Variants in XRCC6 observed in about 807,000 individuals in gnomAD.
XRCC6 encodes X-ray repair cross complementing 6.
Under a neutral mutation model 65.7 loss-of-function variants are expected in XRCC6, and 5 were observed. The ratio of observed to expected loss-of-function variants is 0.08; its 90% CI spans 0.04 to 0.16. XRCC6 has a LOEUF of 0.16. XRCC6 is among the 10% of genes least tolerant of loss of function. The pLI is 1.00. For missense variants in XRCC6, 447 were observed against 738.1 expected (o/e 0.61, Z 4.57); for synonymous variants, 270 against 270.6 (o/e 1.00, Z 0.02).
At chr22:41,659,603 G>A (rs2068081302) in intron 11 of XRCC6, among the ~76,000 whole-genome samples, 1 of 152,126 alleles carries the variant, frequency 6.6e-6, no homozygotes, top group African/African-American at 2.4e-5. Flanking sequence ...GCCTCCCAAA[G>A]TTCTGGGATT....
At chr22:41,636,394 C>G in intron 4 of XRCC6, 122 bp from the exon 5 acceptor site, 1 of 1,492,604 alleles carries the variant, frequency 6.7e-7, no homozygotes, top group African/African-American at 1.4e-5. Flanking sequence ...TCGATGTGGA[C>G]TTTGTTAAAT....
chr22:41,621,393 C>G (rs568516634), intron 1 of XRCC6, 48 bp downstream of exon 1: 1 of 165,022 alleles, frequency 6.1e-6, no homozygotes, highest in Non-Finnish European at 1.3e-5. Flanking sequence ...TAGGCCTGGC[C>G]TCGTCCCGCT....
intron 6 of XRCC6, among the ~76,000 whole-genome samples, chr22:41,645,139 A>G (rs2067918084): frequency 6.6e-6 from 1 of 151,670 alleles, no homozygotes; most frequent in Non-Finnish European, 1.5e-5. Flanking sequence ...TGTCTCTACT[A>G]AAAAATACAA....
chr22:41,622,115 C>G (rs753314269), intron 2 of XRCC6, 29 bp downstream of exon 2: 1 of 1,612,362 alleles, frequency 6.2e-7, no homozygotes, highest in African/African-American at 1.3e-5. Flanking sequence ...TAGTGCCATT[C>G]GGTGTGTGGA....
In XRCC6 at chr22:41,649,159, T is replaced by A. The variant is rs1430739954; in HGVS notation, c.961-1564T>A. Among the ~76,000 whole-genome samples the A allele has an allele frequency of 2.9e-5, 4 of 137,194 alleles. 1 individual carries two copies. The highest frequency in any genetic ancestry group is 1.1e-4 in the African/African-American group (4 of 35,858). The allele number at this position is 137,194 out of a possible 152,430, so 90.0% of individuals were successfully genotyped here. A position where few individuals can be genotyped will look rare whatever the true frequency, so the allele number is the denominator to read the frequency against. On this transcript the variant is annotated intron_variant, in intron 7 of 12. Transcript: ENST00000360079. ...AAAAAAATATATATATATATATATA[T>A]ATATGTATGTATGTGTGTGTGTATA...
At chr22:41,621,805 C>G in intron 1 of XRCC6, 185 bp from the exon 2 acceptor site, 1 of 579,522 alleles carries the variant, frequency 1.7e-6, no homozygotes. Flanking sequence ...GATGAGGCAG[C>G]TACTGGGATG....
At chr22:41,662,863 A>G (rs1177589491) in intron 12 of XRCC6, among the ~76,000 whole-genome samples, 1 of 152,094 alleles carries the variant, frequency 6.6e-6, no homozygotes, top group Non-Finnish European at 1.5e-5. Context: ...TGGGCGGATC[A>G]TGAGGTCAGG....
intron 7 of XRCC6, chr22:41,648,133 G>T (rs999793455): frequency 1.0e-4 from 15 of 146,262 alleles, no homozygotes; most frequent in African/African-American, 3.3e-4. Flanking sequence ...AAGGAACAAA[G>T]AAATCTGTAA....
At chr22:41,636,364 C>G (rs2067809938) in intron 4 of XRCC6, 113 bp downstream of exon 4, 1 of 1,486,966 alleles carries the variant, frequency 6.7e-7, no homozygotes, top group Admixed American at 2.4e-5. Context: ...AGTATGCTTT[C>G]CTCCATAAGG....
At chr22:41,649,017 T>G (rs1204301786) in intron 7 of XRCC6, among the ~76,000 whole-genome samples, 2 of 150,806 alleles carry the variant, frequency 1.3e-5, no homozygotes, top group Non-Finnish European at 2.9e-5. Flanking sequence ...GGAGGATCAC[T>G]TGAACCCAGG....
intron 9 of XRCC6, among the ~76,000 whole-genome samples, chr22:41,654,654 T>G (rs1044040461): frequency 2.0e-5 from 3 of 152,210 alleles, no homozygotes; most frequent in Non-Finnish European, 4.4e-5. Flanking sequence ...TGATAACTCT[T>G]ACCTGTTTCC....
intron 9 of XRCC6, among the ~76,000 whole-genome samples, chr22:41,656,636 C>T (rs2068047434): frequency 6.6e-6 from 1 of 152,190 alleles, no homozygotes. Context: ...CAGGTATCCT[C>T]CCGGGTTCTT....
At chr22:41,649,049 T>C (rs115376422) in intron 7 of XRCC6, among the ~76,000 whole-genome samples, 5,522 of 149,230 alleles carry the variant, frequency 0.037, 336 homozygotes, top group African/African-American at 0.13. Flanking sequence ...AGCCTGGGCA[T>C]CATAGCGAGA....
At chr22:41,625,912 C>T (rs536902044) in intron 2 of XRCC6, among the ~76,000 whole-genome samples, 120 of 151,978 alleles carry the variant, frequency 7.9e-4, no homozygotes, top group Non-Finnish European at 1.4e-3. Context: ...AATCTCGGCT[C>T]GCTGCAATCT....
chr22:41,622,025 T>C lies in XRCC6; in HGVS notation c.21T>C (p.Tyr7=), dbSNP rs1217381513. 2.5e-6 allele frequency: 4 copies of C among 1,614,102 alleles called. No individual in the cohort carries two copies. Among genetic ancestry groups the C allele is most frequent in the Non-Finnish European group, 3.4e-6 (4 of 1,180,042 alleles). Residue 7 remains tyrosine (Y), a synonymous_variant, in exon 2 of 13, where the codon TAT becomes TAC. Coordinates refer to ENST00000360079, the MANE Select transcript of XRCC6 (RefSeq NM_001469.5). The stretch of plus-strand genomic sequence containing the variant: ...CCAACATGTCAGGGTGGGAGTCATA[T>C]TACAAAACCGAGGGCGATGAAGAAG... MSGWES[Y]YKTEGDEEAE...
At chr22:41,625,982 G>T (rs1029259122) in intron 2 of XRCC6, among the ~76,000 whole-genome samples, 2 of 152,046 alleles carry the variant, frequency 1.3e-5, no homozygotes, top group Non-Finnish European at 2.9e-5. Flanking sequence ...GGAATTATAG[G>T]CATGCGCCAC....
Position 41,646,927 on chromosome 22 carries a change from A to G in XRCC6, c.805A>G (p.Ile269Val). 1 of 1,613,192 alleles carries G rather than the reference A, an allele frequency of 6.2e-7. No homozygotes were observed. The highest frequency in any genetic ancestry group is 8.5e-7 in the Non-Finnish European group (1 of 1,179,652). ...GCTGAAGCTCAACAAAGATATAGTGATCTCTGTGGGCATTTATAATCTGGT... is the reference window on the plus strand; with the variant it reads ...GCTGAAGCTCAACAAAGATATAGTGGTCTCTGTGGGCATTTATAATCTGGT... ...LKLKLNKDIV[I>V]SVGIYNLVQK... The change falls in exon 7 of 13, where the codon ATC (isoleucine) becomes GTC (valine). Residue 269 changes from isoleucine (I) to valine (V), a missense_variant. Coordinates refer to ENST00000360079, the MANE Select transcript of XRCC6 (RefSeq NM_001469.5).
chr22:41,657,188 G>A (rs56404392), intron 10 of XRCC6, among the ~76,000 whole-genome samples, 156 bp downstream of exon 10: 2,210 of 152,260 alleles, frequency 0.015, 45 homozygotes, highest in Admixed American at 0.058. Context: ...TATAGAGAAT[G>A]GAACCTTTTA....
At chr22:41,663,587 A>G in intron 12 of XRCC6, 35 bp from the exon 13 acceptor site, 3 of 1,586,308 alleles carry the variant, frequency 1.9e-6, no homozygotes, top group Non-Finnish European at 2.6e-6. Flanking sequence ...TGTATGTAGC[A>G]TTTCCAGTCA....
Sources: gnomAD v4.1 joint callset for allele counts (sites outside exome capture counted in the v4.1 genomes callset) on GRCh38, gnomAD v4.1.1 for gene constraint, MANE v1.5 for transcripts, NCBI Gene and HGNC (gene_info 2026-07-23, HGNC 2026-07-21) for gene names.